The following OPHN1 variants were observed in gnomAD, a reference collection of about 807,000 sequenced individuals.
The protein encoded by OPHN1 is oligophrenin 1, also known as oligophrenin-1.
A neutral mutation model predicts 60.7 loss-of-function variants in OPHN1; 11 were observed. The observed-to-expected ratio is 0.18, with a 90% CI of 0.11 to 0.30. The LOEUF (loss-of-function observed/expected upper bound fraction) is 0.30, where lower values mean the gene tolerates loss of function less well. Ranked by LOEUF, OPHN1 falls within the 10% of genes least tolerant of loss-of-function variation. OPHN1 has a pLI of 1.00. For missense variants in OPHN1, 449 were observed against 611.0 expected (o/e 0.73, Z 2.80); for synonymous variants, 226 against 222.6 (o/e 1.02, Z -0.14).
At chrX:68,350,301 C>T (rs894910464) in intron 2 of OPHN1, among the ~76,000 whole-genome samples, 3 of 111,302 alleles carry the variant, frequency 2.7e-5, no homozygotes, top group Non-Finnish European at 5.7e-5. Context: ...ATTTTAACAA[C>T]CAGTGAATAA....
At chrX:68,320,305 C>A (rs893904608) in intron 2 of OPHN1, among the ~76,000 whole-genome samples, 3 of 111,158 alleles carry the variant, frequency 2.7e-5, no homozygotes, top group African/African-American at 9.8e-5. Context: ...GCTGTGATCA[C>A]GCCACTGCAC....
intron 5 of OPHN1, among the ~76,000 whole-genome samples, chrX:68,258,916 A>G (rs1264228566): frequency 2.7e-5 from 3 of 112,034 alleles, no homozygotes; most frequent in Non-Finnish European, 5.6e-5. Flanking sequence ...TTTTCCTTGG[A>G]TATGCAGCAA....
At chrX:68,377,587 C>A (rs867423160) in intron 2 of OPHN1, among the ~76,000 whole-genome samples, 1 of 107,674 alleles carries the variant, frequency 9.3e-6, no homozygotes, top group Non-Finnish European at 1.9e-5. Context: ...CTCCTCCCCC[C>A]ACCCCACAAC....
intron 15 of OPHN1, among the ~76,000 whole-genome samples, chrX:68,151,239 G>A (rs898667298): frequency 7.1e-4 from 80 of 112,354 alleles, no homozygotes; most frequent in Non-Finnish European, 9.9e-4. Flanking sequence ...TAGGAGAAAA[G>A]CAGCCATAGA....
At chrX:68,279,827 G>C (rs2078011616) in intron 4 of OPHN1, among the ~76,000 whole-genome samples, 1 of 111,850 alleles carries the variant, frequency 8.9e-6, no homozygotes, top group Admixed American at 9.5e-5. Context: ...CATAATTAAA[G>C]ACAGAAGAAA....
intron 8 of OPHN1, among the ~76,000 whole-genome samples, chrX:68,211,701 GA>G (rs1220956083): frequency 8.9e-6 from 1 of 112,341 alleles, no homozygotes; most frequent in Non-Finnish European, 1.9e-5. Flanking sequence ...TAAGTACTGA[GA>G]AAAGAAAGAG....
chrX:68,316,947 G>GT (rs909684899), intron 2 of OPHN1, among the ~76,000 whole-genome samples: 4 of 111,246 alleles, frequency 3.6e-5, no homozygotes, highest in African/African-American at 9.8e-5. Flanking sequence ...CTCAAAAAAA[G>GT]TTTTTTTATT....
intron 15 of OPHN1, among the ~76,000 whole-genome samples, chrX:68,140,447 A>G (rs1468319843): frequency 8.9e-6 from 1 of 111,792 alleles, no homozygotes; most frequent in Non-Finnish European, 1.9e-5. Flanking sequence ...GTACATATCC[A>G]ATAAAGATTT....
At chrX:68,142,222 G>A (rs2077246464) in intron 15 of OPHN1, among the ~76,000 whole-genome samples, 1 of 112,405 alleles carries the variant, frequency 8.9e-6, no homozygotes, top group Non-Finnish European at 1.9e-5. Flanking sequence ...ATTTCAGTCT[G>A]TATGACCCTG....
intron 18 of OPHN1, among the ~76,000 whole-genome samples, chrX:68,108,128 G>C (rs950525117): frequency 4.5e-5 from 5 of 112,056 alleles, no homozygotes; most frequent in Non-Finnish European, 9.4e-5. Flanking sequence ...TGTTATTGAT[G>C]TTCAGGTTGG....
chrX:68,205,406 C>T lies in OPHN1; in HGVS notation c.933+1167G>A, dbSNP rs780728883. Among the ~76,000 whole-genome samples, 34 of 110,962 alleles carry T rather than the reference C, an allele frequency of 3.1e-4. No individual in the cohort carries two copies. The East Asian group carries it at 8.8e-3, about 29-fold the overall frequency. On this transcript the variant is annotated intron_variant, in intron 10 of 24. Transcript: ENST00000355520. ...GAGGTTGCTGTGAGCCGAGATTGTG[C>T]CATTGCACTCCAGCCTGGGCGACAA...
intron 5 of OPHN1, among the ~76,000 whole-genome samples, chrX:68,237,939 T>A (rs905335877): frequency 8.9e-6 from 1 of 112,417 alleles, no homozygotes; most frequent in South Asian, 3.7e-4. Context: ...TTCTTTACCA[T>A]AGAGGAAAAG....
intron 20 of OPHN1, among the ~76,000 whole-genome samples, chrX:68,068,115 C>G (rs755861789): frequency 9.0e-6 from 1 of 111,077 alleles, no homozygotes; most frequent in Admixed American, 9.6e-5. Context: ...ACAGACTATA[C>G]AAAGTATTGG....
At chrX:68,069,850 T>C (rs2076926602) in intron 20 of OPHN1, among the ~76,000 whole-genome samples, 1 of 111,105 alleles carries the variant, frequency 9.0e-6, no homozygotes. Context: ...GAGTAGCAAA[T>C]GCAAAGGCCC....
intron 15 of OPHN1, among the ~76,000 whole-genome samples, chrX:68,171,473 C>T (rs968350709): frequency 1.3e-3 from 141 of 111,592 alleles, no homozygotes; most frequent in Non-Finnish European, 1.6e-3. Context: ...CGGTGGCTAA[C>T]GCCTGTAATC....
intron 15 of OPHN1, among the ~76,000 whole-genome samples, chrX:68,186,559 G>A (rs1472319719): frequency 1.8e-5 from 2 of 111,178 alleles, no homozygotes; most frequent in East Asian, 2.8e-4. Context: ...TTTCTCCAGA[G>A]AAAAGTGTAA....
chrX:68,131,180 C>G (rs1410411401), intron 15 of OPHN1, among the ~76,000 whole-genome samples: 8 of 105,125 alleles, frequency 7.6e-5, no homozygotes, highest in African/African-American at 2.9e-4. Context: ...TTAAATTAAA[C>G]AAAGAACACT....
intron 2 of OPHN1, among the ~76,000 whole-genome samples, chrX:68,332,662 TC>T (rs1469271886): frequency 9.0e-6 from 1 of 111,578 alleles, no homozygotes; most frequent in Non-Finnish European, 1.9e-5. Context: ...AAACTCCAGT[TC>T]TTTTTGGCAG....
intron 2 of OPHN1, among the ~76,000 whole-genome samples, chrX:68,317,850 CT>C (rs2078216683): frequency 9.0e-6 from 1 of 111,641 alleles, no homozygotes; most frequent in Admixed American, 9.5e-5. Context: ...TAACAACACA[CT>C]GAGGCCAGGC....
Sources: gnomAD v4.1 joint callset for allele counts (sites outside exome capture counted in the v4.1 genomes callset) on GRCh38, gnomAD v4.1.1 for gene constraint, MANE v1.5 for transcripts, NCBI Gene and HGNC (gene_info 2026-07-23, HGNC 2026-07-21) for gene names.